BUB1B: variants seen among roughly 807,000 people sequenced by gnomAD.
BUB1B encodes mitotic checkpoint serine/threonine-protein kinase BUB1 beta.
BUB1B carries 86 observed loss-of-function variants against 137.7 expected under a neutral mutation model. That is an observed-to-expected ratio of 0.62 (90% CI 0.52 to 0.75). The LOEUF is 0.75. BUB1B is among the 30% of genes least tolerant of loss of function. The probability of loss-of-function intolerance (pLI) is 0.00; values close to 1 mark genes in which losing one functional copy is unlikely to be tolerated. For synonymous variants in BUB1B, 420 were observed against 417.9 expected (o/e 1.00, Z -0.06); for missense variants, 1,130 against 1,236.9 (o/e 0.91, Z 1.30).
chr15:40,197,456 G>A (rs1202786889), intron 9 of BUB1B, among the ~76,000 whole-genome samples: 1 of 152,172 alleles, frequency 6.6e-6, no homozygotes, highest in African/African-American at 2.4e-5. Flanking sequence ...TAAGGCATGA[G>A]AAGGTGAAGG....
Position 40,165,226 on chromosome 15 carries a change from C to G in BUB1B, c.179+30C>G, listed in dbSNP as rs753159638. On this transcript the variant is annotated intron_variant, in intron 2 of 22. Coordinates refer to ENST00000287598, the MANE Select transcript of BUB1B (RefSeq NM_001211.6). ...GTAGAATGGCTGAGTCTCAACCTGT[C>G]GTCATTCATCCTAAATGTTGTAGAT... 5.0e-6 allele frequency: 8 copies of G among 1,613,632 alleles called. No individual in the cohort carries two copies. The African/African-American group carries it at 1.1e-4, about 22-fold the overall frequency.
At chr15:40,170,797 T>C in intron 4 of BUB1B, 116 bp downstream of exon 4, 2 of 1,004,664 alleles carry the variant, frequency 2.0e-6, no homozygotes, top group Non-Finnish European at 3.0e-6. Context: ...ATTTAGTAGA[T>C]TGGAAACATT....
At position 40,189,153 on chromosome 15, in the gene BUB1B, T is replaced by G. The variant is rs142727298; in HGVS notation, c.1058+3511T>G. ...AATATAATATGTGGTCTTTGTTTTTTTTTGTTTGTTTGTTTTTTGTGTTTT... is the reference window on the plus strand; with the variant it reads ...AATATAATATGTGGTCTTTGTTTTTGTTTGTTTGTTTGTTTTTTGTGTTTT... On this transcript the variant is annotated intron_variant, in intron 8 of 22. Transcript: ENST00000287598. 4.3e-3 allele frequency among the ~76,000 whole-genome samples: 649 copies of G among 152,200 alleles called. 1 individual carries two copies. Among genetic ancestry groups the G allele is most frequent in the Middle Eastern group, 6.8e-3 (2 of 294 alleles).
chr15:40,194,932 T>C (rs2037479980), intron 8 of BUB1B, among the ~76,000 whole-genome samples: 1 of 152,246 alleles, frequency 6.6e-6, no homozygotes, highest in Non-Finnish European at 1.5e-5. Flanking sequence ...CACTTATGGC[T>C]AATTTCCTTC....
chr15:40,220,514 A>G, intron 22 of BUB1B, 50 bp from the exon 23 acceptor site: 2 of 1,593,598 alleles, frequency 1.3e-6, no homozygotes, highest in Non-Finnish European at 1.7e-6. Flanking sequence ...AAAAGGAATT[A>G]TAATTTTCAT....
At chr15:40,177,246 A>C (rs1433727381) in intron 5 of BUB1B, among the ~76,000 whole-genome samples, 1 of 152,140 alleles carries the variant, frequency 6.6e-6, no homozygotes, top group African/African-American at 2.4e-5. Context: ...TCTAATTTAC[A>C]AGTTTTTCTT....
At chr15:40,206,158 T>G in intron 14 of BUB1B, 26 bp from the exon 15 acceptor site, 1 of 1,613,506 alleles carries the variant, frequency 6.2e-7, no homozygotes, top group Non-Finnish European at 8.5e-7. Context: ...ATATTTTAGC[T>G]AAACTTTATA....
At chr15:40,220,003 C>G (rs970186060) in intron 22 of BUB1B, among the ~76,000 whole-genome samples, 4 of 152,104 alleles carry the variant, frequency 2.6e-5, no homozygotes, top group Non-Finnish European at 4.4e-5. Context: ...ATGGTCCAGG[C>G]AGGTCTGGCT....
chr15:40,201,065 A>C, intron 12 of BUB1B, 85 bp downstream of exon 12: 2 of 1,260,994 alleles, frequency 1.6e-6, no homozygotes, highest in Non-Finnish European at 2.3e-6. Flanking sequence ...TAATTATGAT[A>C]AAGGGATTGA....
intron 4 of BUB1B, among the ~76,000 whole-genome samples, chr15:40,173,295 T>TAAAAAAAAAAAAAAA (rs61078619): frequency 2.3e-5 from 2 of 85,876 alleles, no homozygotes; most frequent in Admixed American, 1.4e-4. Context: ...GAAAAAAAGA[T>TAAAAAAAAAAAAAAA]AAAAAAAAAA....
intron 1 of BUB1B, among the ~76,000 whole-genome samples, chr15:40,163,280 A>C (rs921955371): frequency 1.3e-5 from 2 of 152,176 alleles, no homozygotes; most frequent in African/African-American, 4.8e-5. Flanking sequence ...CTGTAAAATA[A>C]AAATCTGTAA....
intron 9 of BUB1B, among the ~76,000 whole-genome samples, chr15:40,198,208 C>T (rs949276078): frequency 6.6e-6 from 1 of 150,812 alleles, no homozygotes; most frequent in Non-Finnish European, 1.5e-5. Context: ...GCATTGACCT[C>T]TGAGAATTTT....
intron 8 of BUB1B, among the ~76,000 whole-genome samples, chr15:40,196,087 T>A (rs1469678821): frequency 6.6e-6 from 1 of 152,254 alleles, no homozygotes; most frequent in East Asian, 1.9e-4. Flanking sequence ...TTTCCAGTGT[T>A]ATCGTCTAGA....
At chr15:40,192,963 ACCTCATCCTCCCT>A (rs1359219871) in intron 8 of BUB1B, among the ~76,000 whole-genome samples, 9 of 151,182 alleles carry the variant, frequency 6.0e-5, no homozygotes, top group Non-Finnish European at 1.2e-4. Flanking sequence ...TGATCCTCCC[ACCTCATCCTCCCT>A]AGTAGCTGGG....
intron 8 of BUB1B, among the ~76,000 whole-genome samples, chr15:40,188,647 G>A (rs575725487): frequency 2.8e-5 from 4 of 141,822 alleles, no homozygotes; most frequent in African/African-American, 1.1e-4. Flanking sequence ...CAGTGGCGCC[G>A]TCTCAGCTCA....
intron 20 of BUB1B, among the ~76,000 whole-genome samples, chr15:40,216,006 G>T (rs1221300234): frequency 6.6e-6 from 1 of 152,180 alleles, no homozygotes; most frequent in African/African-American, 2.4e-5. Flanking sequence ...TGAGGAAAAT[G>T]AGATCCAAAA....
intron 20 of BUB1B, 165 bp from the exon 21 acceptor site, chr15:40,217,331 A>C (rs1417675656): frequency 5.8e-6 from 4 of 689,042 alleles, no homozygotes; most frequent in Non-Finnish European, 1.0e-5. Context: ...TTGGGTGGAC[A>C]CTGCCACTGC....
At position 40,165,188 on chromosome 15, in the gene BUB1B, G is replaced by A. The variant is rs777530306; in HGVS notation, c.171G>A (p.Gln57=). ...CTGCCTGTAACAATACTCTTCAGCA[G>A]CAGAAACGGTGTGTAGAATGGCTGA... ...QESACNNTLQ[Q]QKRAFEYEIR... is the part of the protein sequence containing the mutation. The change falls in exon 2 of 23, where the codon CAG becomes CAA. Residue 57 remains glutamine (Q), a synonymous_variant. Transcript: ENST00000287598. The A allele has an allele frequency of 3.7e-5, 60 of 1,614,110 alleles. 1 individual carries two copies. In the South Asian group the frequency reaches 5.6e-4, roughly 15 times the overall value.
intron 12 of BUB1B, 130 bp downstream of exon 12, chr15:40,201,110 T>C: frequency 1.2e-6 from 1 of 806,456 alleles, no homozygotes; most frequent in Non-Finnish European, 2.0e-6. Flanking sequence ...GAATTTAGTA[T>C]AAGCATATGC....
Sources: allele counts gnomAD v4.1 joint callset (sites outside exome capture counted in the v4.1 genomes callset), GRCh38; gene constraint gnomAD v4.1.1; transcripts MANE v1.5; gene names NCBI Gene and HGNC (gene_info 2026-07-23, HGNC 2026-07-21).